Variants in CNST observed in about 807,000 individuals in gnomAD.
CNST encodes consortin, connexin sorting protein.
A neutral mutation model predicts 72.4 loss-of-function variants in CNST; 39 were observed. The observed-to-expected ratio is 0.54, with a 90% CI of 0.42 to 0.70. CNST has a LOEUF of 0.70. Ranked by LOEUF, CNST falls within the 30% of genes least tolerant of loss-of-function variation. The pLI is 0.00. For synonymous variants in CNST, 332 were observed against 320.1 expected (o/e 1.04, Z -0.40); for missense variants, 871 against 868.5 (o/e 1.00, Z -0.04).
chr1:246,596,146 T>A (rs1489024827), intron 2 of CNST, among the ~76,000 whole-genome samples: 3 of 152,196 alleles, frequency 2.0e-5, no homozygotes, highest in Admixed American at 2.0e-4. Context: ...GCGGGTGCAC[T>A]GGCTCATGCC....
intron 3 of CNST, among the ~76,000 whole-genome samples, chr1:246,627,432 C>T (rs552085574): frequency 7.2e-4 from 110 of 152,324 alleles, no homozygotes; most frequent in African/African-American, 2.5e-3. Flanking sequence ...CTCCTATCTA[C>T]TCCTTCTCAG....
rs1277095033 is a variant in CNST at position 246,586,361 on chromosome 1, T to A, written c.-51-5151T>A. On this transcript the variant is annotated intron_variant, in intron 1 of 10. Coordinates refer to ENST00000366513, the MANE Select transcript of CNST (RefSeq NM_152609.3). The stretch of plus-strand genomic sequence containing the variant: ...CTTTATATGAGATAAATAAGATACA[T>A]AGATATATAAAAGATCTATATCAAA... Among the ~76,000 whole-genome samples, 10 of 147,972 alleles carry A rather than the reference T, an allele frequency of 6.8e-5. No homozygotes were observed. The East Asian group carries it at 1.9e-3, about 29-fold the overall frequency.
chr1:246,647,698 G>T lies in CNST; in HGVS notation c.1497G>T (p.Ala499=), dbSNP rs150163782. ...ACAGTGATGGAAAATCACCACAGGC[G>T]CAGGCTGACTCAGACGGTTCTGAGA... ...LTDSDGKSPQ[A]QADSDGSENV... The change falls in exon 9 of 11, where the codon GCG becomes GCT. Residue 499 remains alanine (A), a synonymous_variant. Transcript: ENST00000366513. 6 of 1,614,152 alleles carry T rather than the reference G, an allele frequency of 3.7e-6. No homozygotes were observed. The highest frequency in any genetic ancestry group is 4.2e-6 in the Non-Finnish European group (5 of 1,180,024).
intron 6 of CNST, among the ~76,000 whole-genome samples, chr1:246,635,248 G>A (rs1485236169): frequency 1.3e-5 from 2 of 151,756 alleles, no homozygotes; most frequent in African/African-American, 4.9e-5. Flanking sequence ...TGAGAGTCGG[G>A]TTGGTATCCA....
intron 2 of CNST, among the ~76,000 whole-genome samples, chr1:246,599,863 G>A (rs1307805694): frequency 6.6e-6 from 1 of 152,190 alleles, no homozygotes; most frequent in Non-Finnish European, 1.5e-5. Context: ...ATAGTCAATA[G>A]ATATTTATTG....
intron 8 of CNST, among the ~76,000 whole-genome samples, chr1:246,642,868 G>A (rs1224682377): frequency 7.4e-6 from 1 of 135,632 alleles, no homozygotes; most frequent in East Asian, 2.1e-4. Flanking sequence ...TGTTGATGAT[G>A]TCATAATTAG....
intron 1 of CNST, among the ~76,000 whole-genome samples, chr1:246,570,775 T>C (rs961709470): frequency 4.6e-5 from 7 of 152,242 alleles, no homozygotes; most frequent in African/African-American, 1.7e-4. Flanking sequence ...TTGCTTGGTT[T>C]CTACAAGTGA....
intron 2 of CNST, among the ~76,000 whole-genome samples, chr1:246,609,352 G>T (rs147547493): frequency 0.029 from 4,403 of 152,276 alleles, 209 homozygotes; most frequent in African/African-American, 0.1. Context: ...GAGGCAGGCG[G>T]ATCACCTGAG....
At chr1:246,597,110 AACAGTTTTCCAAAGCAACTGCACCATTTT>A (rs1286576993) in intron 2 of CNST, among the ~76,000 whole-genome samples, 7 of 152,178 alleles carry the variant, frequency 4.6e-5, no homozygotes, top group Non-Finnish European at 1.0e-4. Flanking sequence ...CTTTATGCCA[AACAGTTTTCCAAAGCAACTGCACCATTTT>A]ACAGTCCTGC....
rs1667019239 is a variant in CNST at position 246,660,270 on chromosome 1, A to G, written c.1908A>G (p.Gln636=). 1 of 1,613,948 alleles carries G rather than the reference A, an allele frequency of 6.2e-7. No individual in the cohort carries two copies. Among genetic ancestry groups the G allele is most frequent in the African/African-American group, 1.3e-5 (1 of 74,924 alleles). Residue 636 remains glutamine (Q), a synonymous_variant, in exon 10 of 11, where the codon CAA becomes CAG. Transcript: ENST00000366513. The part of the protein sequence containing the change: ...RNDTVGDHPA[Q]MQHKPSKRRV... ...ATACTGTAGGAGATCATCCTGCCCA[A>G]ATGCAACACAAACCATCTAAGCGAA...
intron 1 of CNST, among the ~76,000 whole-genome samples, chr1:246,583,397 ATTC>A (rs768993490): frequency 3.3e-5 from 5 of 152,210 alleles, no homozygotes; most frequent in Non-Finnish European, 5.9e-5. Flanking sequence ...CATTGATCAC[ATTC>A]TTCTTTGTAG....
intron 2 of CNST, among the ~76,000 whole-genome samples, chr1:246,593,032 T>C (rs1214836322): frequency 6.6e-6 from 1 of 152,248 alleles, no homozygotes; most frequent in African/African-American, 2.4e-5. Context: ...CATCAGACTC[T>C]AGTGAACTAA....
chr1:246,597,194 C>A (rs1007277585), intron 2 of CNST, among the ~76,000 whole-genome samples: 2 of 152,210 alleles, frequency 1.3e-5, no homozygotes, highest in African/African-American at 2.4e-5. Flanking sequence ...TTCACCAACA[C>A]CTGTTAATAT....
Position 246,666,167 on chromosome 1 carries a change from A to C in CNST, c.*262A>C. The C allele has an allele frequency of 1.2e-5, 5 of 428,468 alleles. No homozygotes were observed. Among genetic ancestry groups the C allele is most frequent in the Non-Finnish European group, 1.7e-5 (4 of 235,446 alleles). The allele number at this position is 428,468 out of a possible 1,614,324, so 26.5% of individuals were successfully genotyped here. A position where few individuals can be genotyped will look rare whatever the true frequency, so the allele number is the denominator to read the frequency against. On this transcript the variant is annotated 3_prime_UTR_variant, in exon 11 of 11. Coordinates refer to ENST00000366513, the MANE Select transcript of CNST (RefSeq NM_152609.3). ...TCCATCTCCTCCTCACTGCCTCCTA[A>C]TGTCATGAGGTACACTGAGCAGAAT...
rs188604661 is a variant in CNST, at chr1:246,662,031, C to T, written c.1972+1697C>T. On this transcript the variant is annotated intron_variant, in intron 10 of 10. Transcript: ENST00000366513. ...GCATTTCACTTTGTAGCCACCTCATCTTAAACTAAGTCACTTACTTGTAGG... is the reference window on the plus strand; with the variant it reads ...GCATTTCACTTTGTAGCCACCTCATTTTAAACTAAGTCACTTACTTGTAGG... 2.3e-3 allele frequency among the ~76,000 whole-genome samples: 354 copies of T among 152,344 alleles called. 1 individual carries two copies. The highest frequency in any genetic ancestry group is 7.9e-3 in the African/African-American group (330 of 41,570).
Position 246,666,050 on chromosome 1 carries a change from G to T in CNST, c.*145G>T, listed in dbSNP as rs1667377734. 4 of 611,604 alleles carry T rather than the reference G, an allele frequency of 6.5e-6. No individual in the cohort carries two copies. Among genetic ancestry groups the T allele is most frequent in the Middle Eastern group, 4.4e-4 (1 of 2,268 alleles). The allele number at this position is 611,604 out of a possible 1,614,324, so 37.9% of individuals were successfully genotyped here. A position where few individuals can be genotyped will look rare whatever the true frequency, so the allele number is the denominator to read the frequency against. ...CAGAAATAGCAACTTTAAGTGGCAAGCCGGAGGAACTCTGTTAGAATAATC... is the reference window on the plus strand; with the variant it reads ...CAGAAATAGCAACTTTAAGTGGCAATCCGGAGGAACTCTGTTAGAATAATC... On this transcript the variant is annotated 3_prime_UTR_variant, in exon 11 of 11. Transcript: ENST00000366513.
At chr1:246,613,044 CT>C (rs1663438939) in intron 2 of CNST, among the ~76,000 whole-genome samples, 1 of 152,136 alleles carries the variant, frequency 6.6e-6, no homozygotes, top group African/African-American at 2.4e-5. Context: ...TCATTTACTC[CT>C]TGTCACAATC....
intron 1 of CNST, among the ~76,000 whole-genome samples, chr1:246,569,512 G>A (rs1020698208): frequency 6.6e-6 from 1 of 152,106 alleles, no homozygotes; most frequent in African/African-American, 2.4e-5. Context: ...GAAGTACTGC[G>A]GTATTTAATT....
At position 246,647,408 on chromosome 1, in the gene CNST, G is replaced by T. The variant is rs1308863776; in HGVS notation, c.1207G>T (p.Ala403Ser). 6.2e-7 allele frequency: 1 copy of T among 1,614,140 alleles called. No individual in the cohort carries two copies. Among genetic ancestry groups the T allele is most frequent in the Admixed American group, 1.7e-5 (1 of 60,020 alleles). Reference protein sequence around the residue: ...ACEDDSRLQLAQTEACQDVAR... With the variant: ...ACEDDSRLQLSQTEACQDVAR... The stretch of plus-strand genomic sequence containing the variant: ...TGAGGATGACAGTCGCTTGCAGCTG[G>T]CTCAAACAGAGGCCTGCCAGGATGT... Residue 403 changes from alanine to serine, a missense_variant, in exon 9 of 11, where the codon GCT (alanine) becomes TCT (serine). By Grantham distance (99) the Ala-to-Ser change is moderately conservative. Transcript: ENST00000366513.
Sources: gnomAD v4.1 joint callset for allele counts (sites outside exome capture counted in the v4.1 genomes callset) on GRCh38, gnomAD v4.1.1 for gene constraint, MANE v1.5 for transcripts, NCBI Gene and HGNC (gene_info 2026-07-23, HGNC 2026-07-21) for gene names.